The following NETO1 variants were observed in gnomAD, a reference collection of about 807,000 sequenced individuals.
NETO1 encodes neuropilin and tolloid-like protein 1.
NETO1 carries 26 observed loss-of-function variants against 61.3 expected under a neutral mutation model. That is an observed-to-expected ratio of 0.42 (90% confidence interval 0.31 to 0.59). The LOEUF (loss-of-function observed/expected upper bound fraction) is 0.59. NETO1 is among the 20% of genes least tolerant of loss of function. NETO1 has a pLI of 0.12. For missense variants in NETO1, 531 were observed against 662.8 expected, an observed-to-expected ratio of 0.80 and a Z score of 2.18; for synonymous variants, 225 against 225.8, an observed-to-expected ratio of 1.00 and a Z score of 0.03.
At position 72,794,141 on chromosome 18, in the gene NETO1, G is replaced by A. The variant is rs769692527; in HGVS notation, c.615C>T (p.Tyr205=). ...TASEAVDCKW[Y]IRAPPRSKIY... Reference sequence around the variant, plus strand: ...CCTTGGACCGTGGAGGTGCTCGGATGTACCACTTGCAATCAACAGCCTCGC... The same window carrying A: ...CCTTGGACCGTGGAGGTGCTCGGATATACCACTTGCAATCAACAGCCTCGC... Residue 205 remains tyrosine, a synonymous_variant, in exon 6 of 11, where the codon TAC becomes TAT. Coordinates refer to ENST00000327305, the MANE Select transcript of NETO1 (RefSeq NM_138966.5). The A allele has an allele frequency of 1.1e-5, 17 of 1,614,060 alleles. No homozygotes were observed. The South Asian group carries it at 1.4e-4, about 14-fold the overall frequency.
At chr18:72,809,870 T>C (rs904622145) in intron 4 of NETO1, among the ~76,000 whole-genome samples, 7 of 152,238 alleles carry the variant, frequency 4.6e-5, no homozygotes, top group African/African-American at 1.4e-4. Context: ...TGATAGATAC[T>C]TGCTACATGC....
intron 4 of NETO1, among the ~76,000 whole-genome samples, chr18:72,847,295 T>C (rs897466840): frequency 2.0e-5 from 3 of 152,160 alleles, no homozygotes; most frequent in Non-Finnish European, 4.4e-5. Flanking sequence ...TGGGGTAGTA[T>C]AGTGGAAGTG....
chr18:72,795,772 C>T (rs1008176530), intron 4 of NETO1, among the ~76,000 whole-genome samples: 1 of 152,174 alleles, frequency 6.6e-6, no homozygotes, highest in Admixed American at 6.5e-5. Flanking sequence ...TTAAAATCTA[C>T]ATTCTGGCAA....
intron 4 of NETO1, among the ~76,000 whole-genome samples, chr18:72,857,953 CTTCT>C (rs1452874757): frequency 1.3e-5 from 2 of 151,996 alleles, no homozygotes; most frequent in East Asian, 3.9e-4. Context: ...TTAGATGTTA[CTTCT>C]TTAACATGGA....
Position 72,867,283 on chromosome 18 carries a change from A to T in NETO1, c.9T>A (p.His3Gln). 6.4e-7 allele frequency: 1 copy of T among 1,573,706 alleles called. No individual in the cohort carries two copies. The highest frequency in any genetic ancestry group is 8.6e-7 in the Non-Finnish European group (1 of 1,160,692). MI[H>Q]GRSVLHIVAS... is the part of the protein sequence containing the mutation. ...ACTCACTGTGAAGCACGCTGCGCCC[A>T]TGGATCATGTCTGTGCGTTACACCA... Residue 3 changes from histidine (H) to glutamine (Q), a missense_variant, in exon 1 of 11, where the codon CAT becomes CAA. By Grantham distance (24) the His-to-Gln change is conservative. Transcript: ENST00000327305.
intron 4 of NETO1, among the ~76,000 whole-genome samples, chr18:72,848,675 A>G (rs1218836047): frequency 6.6e-6 from 1 of 152,174 alleles, no homozygotes; most frequent in Non-Finnish European, 1.5e-5. Flanking sequence ...CTGTCATTTG[A>G]GCTCTACCTT....
intron 4 of NETO1, among the ~76,000 whole-genome samples, chr18:72,795,661 T>C (rs1177788408): frequency 6.6e-6 from 1 of 152,190 alleles, no homozygotes; most frequent in Non-Finnish European, 1.5e-5. Flanking sequence ...GATGTTTTGA[T>C]ACGTGACGTT....
intron 9 of NETO1, among the ~76,000 whole-genome samples, chr18:72,749,465 TTTC>T (rs1437288092): frequency 1.3e-5 from 2 of 152,146 alleles, no homozygotes; most frequent in African/African-American, 4.8e-5. Flanking sequence ...AAATCAAATG[TTTC>T]TACTATTTCT....
intron 6 of NETO1, among the ~76,000 whole-genome samples, chr18:72,789,596 T>A (rs927678145): frequency 2.0e-5 from 3 of 152,144 alleles, no homozygotes; most frequent in African/African-American, 7.2e-5. Flanking sequence ...CAGCTTTAAA[T>A]AACACCCATG....
rs2070388799 is a variant in NETO1 at position 72,744,406 on chromosome 18, C to A, written c.*3773G>T. 6.6e-6 allele frequency: 1 copy of A among 152,060 alleles called. No homozygotes were observed. The highest frequency in any genetic ancestry group is 1.9e-4 in the East Asian group (1 of 5,188). 9.4% of individuals were successfully genotyped at this position (152,060 alleles called of 1,614,324 possible). On this transcript the variant is annotated 3_prime_UTR_variant, in exon 11 of 11. Coordinates refer to ENST00000327305, the MANE Select transcript of NETO1 (RefSeq NM_138966.5). ...ACTTTTATTTTTCTACCTTATTACA[C>A]CTTTAAGATGGGCTTGGGAAATATT...
chr18:72,787,960 A>T (rs1165484709), intron 6 of NETO1, among the ~76,000 whole-genome samples: 1 of 152,240 alleles, frequency 6.6e-6, no homozygotes, highest in Non-Finnish European at 1.5e-5. Flanking sequence ...CTATCAAGTT[A>T]TAAATAAAAT....
rs190138482 is a variant in NETO1, at chr18:72,856,945, A to G, written c.469+1881T>C. 9.8e-5 allele frequency among the ~76,000 whole-genome samples: 15 copies of G among 152,360 alleles called. 1 individual carries two copies. The East Asian group carries it at 2.9e-3, about 29-fold the overall frequency. The stretch of plus-strand genomic sequence containing the variant: ...GCTTCAGATTCCCTAAATGCTATCT[A>G]AATTATTACTAATCCCTTCCCACTT... On this transcript the variant is annotated intron_variant, in intron 4 of 10. Coordinates refer to ENST00000327305, the MANE Select transcript of NETO1 (RefSeq NM_138966.5).
chr18:72,834,602 T>G, intron 4 of NETO1: 1 of 983,398 alleles, frequency 1.0e-6, no homozygotes, highest in Non-Finnish European at 1.2e-6. Context: ...ATCAAAGTCA[T>G]GTTGGAGCTA....
chr18:72,813,059 G>A (rs1441542267), intron 4 of NETO1, among the ~76,000 whole-genome samples: 1 of 152,164 alleles, frequency 6.6e-6, no homozygotes, highest in Non-Finnish European at 1.5e-5. Context: ...CTGAAACAGG[G>A]AGATTCACCA....
chr18:72,816,110 C>T (rs2073026042), intron 4 of NETO1, among the ~76,000 whole-genome samples: 1 of 151,954 alleles, frequency 6.6e-6, no homozygotes, highest in African/African-American at 2.4e-5. Context: ...CCACCCCTCC[C>T]CCTGCAATTC....
rs1277120521 is a variant in NETO1 at position 72,753,747 on chromosome 18, G to A, written c.982+2287C>T. ...AAAGCAATGTTCTATGTATATAATC[G>A]TAATGTTGGACTATAGCTTACATAA... On this transcript the variant is annotated intron_variant, in intron 8 of 10. Transcript: ENST00000327305. Among the ~76,000 whole-genome samples, 14 of 152,106 alleles carry A rather than the reference G, an allele frequency of 9.2e-5. No homozygotes were observed. The South Asian group carries it at 1.0e-3, about 11-fold the overall frequency.
At chr18:72,822,078 G>A (rs927592613) in intron 4 of NETO1, among the ~76,000 whole-genome samples, 3 of 152,140 alleles carry the variant, frequency 2.0e-5, no homozygotes, top group African/African-American at 7.2e-5. Flanking sequence ...CAGTTGCCTG[G>A]GACTCGAGAT....
At chr18:72,768,864 C>T (rs906540528) in intron 7 of NETO1, among the ~76,000 whole-genome samples, 5 of 152,172 alleles carry the variant, frequency 3.3e-5, no homozygotes, top group Admixed American at 1.3e-4. Context: ...TTTAGGAATC[C>T]GCACTCCAGA....
rs62089689 is a variant in NETO1 at position 72,813,507 on chromosome 18, T to C, written c.470-19103A>G. On this transcript the variant is annotated intron_variant, in intron 4 of 10. Transcript: ENST00000327305. ...AAGATTCCAAATAGTAGAACTACCA[T>C]GCACAGACCATAAAAGAACAATGTT... Among the ~76,000 whole-genome samples the C allele has an allele frequency of 9.4e-3, 1,428 of 152,256 alleles. 7 individuals carry two copies. Among genetic ancestry groups the C allele is most frequent in the Non-Finnish European group, 0.014 (930 of 68,018 alleles).
Sources: allele counts gnomAD v4.1 joint callset (sites outside exome capture counted in the v4.1 genomes callset), GRCh38; gene constraint gnomAD v4.1.1; transcripts MANE v1.5; gene names NCBI Gene and HGNC (gene_info 2026-07-23, HGNC 2026-07-21).